Variants in MYLK4 observed in about 807,000 individuals in gnomAD.
MYLK4 encodes caMLCK like.
Under a neutral mutation model 48.1 loss-of-function variants are expected in MYLK4, and 46 were observed. That is an observed-to-expected ratio of 0.96 (90% CI 0.75 to 1.22). The LOEUF is 1.22. Ranked by LOEUF, MYLK4 falls within the 50% of genes most tolerant of loss-of-function variation. The probability of loss-of-function intolerance (pLI) is 0.00; values close to 1 mark genes in which losing one functional copy is unlikely to be tolerated. For missense variants in MYLK4, 451 were observed against 486.1 expected, an observed-to-expected ratio of 0.93 and a Z score of 0.68; for synonymous variants, 170 against 180.8, an observed-to-expected ratio of 0.94 and a Z score of 0.48.
chr6:2,712,331 G>A (rs1322607396), intron 2 of MYLK4, among the ~76,000 whole-genome samples: 1 of 152,168 alleles, frequency 6.6e-6, no homozygotes, highest in Non-Finnish European at 1.5e-5. Flanking sequence ...CTGACATGCA[G>A]GTCCTGGCTA....
chr6:2,766,378 G>C, the MYLK4 span: 1 of 1,609,048 alleles, frequency 6.2e-7, no homozygotes, highest in Non-Finnish European at 8.5e-7. Flanking sequence ...ATACCCTGCT[G>C]CGCTCGCTCC....
the MYLK4 span, among the ~76,000 whole-genome samples, chr6:2,763,381 G>C: frequency 6.6e-6 from 1 of 152,220 alleles, no homozygotes; most frequent in Non-Finnish European, 1.5e-5. Context: ...GTGCCGTGAG[G>C]CAGTAAGCAG....
Position 2,685,408 on chromosome 6 carries a change from G to A in MYLK4, c.436-3C>T. ...CTGATCTCGTTCTTCACCTCCTCCT[G>A]AGAAGCAGGAAACAGTGCATTAGTG... On this transcript the variant is annotated splice_region_variant and splice_polypyrimidine_tract_variant and intron_variant, in intron 5 of 12. Coordinates refer to ENST00000274643, the MANE Select transcript of MYLK4 (RefSeq NM_001012418.5). This position sits in a 1 kb window ranked among gnomAD's most constrained non-coding sequence, Gnocchi z 4.5. 6.5e-7 allele frequency: 1 copy of A among 1,528,572 alleles called. No homozygotes were observed. Among genetic ancestry groups the A allele is most frequent in the African/African-American group, 1.4e-5 (1 of 72,036 alleles). The allele number at this position is 1,528,572 out of a possible 1,614,324, so 94.7% of individuals were successfully genotyped here.
chr6:2,691,831 G>T (rs928391235), intron 3 of MYLK4, among the ~76,000 whole-genome samples: 10 of 152,142 alleles, frequency 6.6e-5, no homozygotes, highest in African/African-American at 2.4e-4. Flanking sequence ...TAGAAAATGT[G>T]GCCATGAAAA....
At chr6:2,697,792 G>A (rs1421606441) in intron 2 of MYLK4, among the ~76,000 whole-genome samples, 1 of 152,202 alleles carries the variant, frequency 6.6e-6, no homozygotes, top group Non-Finnish European at 1.5e-5. Context: ...TTCTCAATGT[G>A]TCTGTCTGCC....
At chr6:2,763,406 G>C in the MYLK4 span, among the ~76,000 whole-genome samples, 3 of 152,232 alleles carry the variant, frequency 2.0e-5, no homozygotes, top group Non-Finnish European at 2.9e-5. Context: ...TCTCAGGGAG[G>C]CTTGGGCCGC....
intron 2 of MYLK4, among the ~76,000 whole-genome samples, chr6:2,702,832 C>G (rs549853796): frequency 6.6e-6 from 1 of 152,262 alleles, no homozygotes; most frequent in East Asian, 1.9e-4. Context: ...CTAGTACATA[C>G]CCTCCAACAC....
the MYLK4 span, among the ~76,000 whole-genome samples, chr6:2,762,333 G>A: frequency 3.3e-5 from 5 of 152,224 alleles, no homozygotes; most frequent in East Asian, 1.9e-4. Context: ...CTTGAAACAC[G>A]TCCTAAGAGA....
the MYLK4 span, chr6:2,766,371 C>T: frequency 6.2e-6 from 10 of 1,609,280 alleles, no homozygotes; most frequent in East Asian, 2.2e-5. Flanking sequence ...GGCCAGGATA[C>T]CCTGCTGCGC....
the MYLK4 span, chr6:2,766,053 C>T: frequency 3.1e-6 from 4 of 1,293,156 alleles, no homozygotes; most frequent in South Asian, 2.4e-5. Context: ...AAGAGGCCGG[C>T]GGCCGCCGCC....
chr6:2,684,512 G>T (rs1032538288), intron 6 of MYLK4, among the ~76,000 whole-genome samples: 1 of 152,048 alleles, frequency 6.6e-6, no homozygotes, highest in Non-Finnish European at 1.5e-5. Context: ...TCACAATATC[G>T]ATTCAGTGTT....
chr6:2,764,361 A>C, the MYLK4 span, among the ~76,000 whole-genome samples: 2 of 152,256 alleles, frequency 1.3e-5, no homozygotes, highest in Admixed American at 6.5e-5. Context: ...CAAGGCTGTG[A>C]GCTCTGGTCG....
chr6:2,683,385 A>C lies in MYLK4; in HGVS notation c.546-223T>G, dbSNP rs1326505681. 1.3e-3 allele frequency among the ~76,000 whole-genome samples: 108 copies of C among 81,530 alleles called. 2 individuals are homozygous for C. The highest frequency in any genetic ancestry group is 2.2e-3 in the East Asian group (5 of 2,250). The allele number at this position is 81,530 out of a possible 152,430, so 53.5% of individuals were successfully genotyped here. ...ATGGAAATCCTCAAGCCAACTCCCC[A>C]CCTTTTTGTGTGTGTGTGTGTGTGT... On this transcript the variant is annotated intron_variant, in intron 6 of 12. Coordinates refer to ENST00000274643, the MANE Select transcript of MYLK4 (RefSeq NM_001012418.5).
chr6:2,720,331 G>A (rs927255766), intron 2 of MYLK4, among the ~76,000 whole-genome samples: 3 of 152,060 alleles, frequency 2.0e-5, no homozygotes, highest in Admixed American at 1.3e-4. Context: ...TTGAACCCGG[G>A]AGGCAGAGGT....
the MYLK4 span, among the ~76,000 whole-genome samples, chr6:2,762,889 C>T: frequency 6.6e-6 from 1 of 152,260 alleles, no homozygotes; most frequent in South Asian, 2.1e-4. Context: ...TGACTGCCTT[C>T]AGAAATAAAG....
chr6:2,754,451 A>G (rs1764374563), upstream of MYLK4, among the ~76,000 whole-genome samples: 2 of 152,162 alleles, frequency 1.3e-5, no homozygotes, highest in Admixed American at 1.3e-4. Flanking sequence ...GTATGATTCC[A>G]TTTGTATAAA....
At chr6:2,695,337 C>T (rs983702175) in intron 2 of MYLK4, among the ~76,000 whole-genome samples, 1 of 152,188 alleles carries the variant, frequency 6.6e-6, no homozygotes, top group Non-Finnish European at 1.5e-5. Context: ...AATTTCTACT[C>T]ATAAAAGTAT....
Position 2,716,790 on chromosome 6 carries a change from GATAGTAGTTCCT to G in MYLK4, c.160-23943_160-23932del, listed in dbSNP as rs1762880507. Among the ~76,000 whole-genome samples, 3 of 152,322 alleles carry G rather than the reference GATAGTAGTTCCT, an allele frequency of 2.0e-5. No individual in the cohort carries two copies. The South Asian group carries it at 6.2e-4, about 32-fold the overall frequency. The stretch of plus-strand genomic sequence containing the variant: ...CCTCAATTTTCACCTGTAAAATGAG[GATAGTAGTTCCT>G]ATCTGACAGAGTTTTTATGAATATA... On this transcript the variant is annotated intron_variant, in intron 2 of 12. Coordinates refer to ENST00000274643, the MANE Select transcript of MYLK4 (RefSeq NM_001012418.5).
chr6:2,688,781 A>G, intron 4 of MYLK4, 70 bp downstream of exon 4: 2 of 1,205,892 alleles, frequency 1.7e-6, no homozygotes, highest in African/African-American at 3.0e-5. Context: ...CAAGACAGGC[A>G]GACATTTACG....
Sources: gnomAD v4.1 joint callset for allele counts (sites outside exome capture counted in the v4.1 genomes callset) on GRCh38, gnomAD v4.1.1 for gene constraint, Gnocchi (gnomAD v3.1) non-coding constraint, MANE v1.5 for transcripts, NCBI Gene and HGNC (gene_info 2026-07-23, HGNC 2026-07-21) for gene names.